SLC16A7: variants seen among roughly 807,000 people sequenced by gnomAD.
The protein encoded by SLC16A7 is solute carrier family 16 member 7.
In SLC16A7, 33 loss-of-function variants were observed where a neutral mutation model predicts 34.9. The ratio of observed to expected loss-of-function variants is 0.94; its 90% confidence interval spans 0.72 to 1.26. SLC16A7 has a LOEUF of 1.26. SLC16A7 is among the 50% of genes most tolerant of loss of function. The pLI is 0.00. For missense variants in SLC16A7, 573 were observed against 578.1 expected (o/e 0.99, Z 0.09); for synonymous variants, 201 against 206.6 (o/e 0.97, Z 0.23).
chr12:59,658,588 G>A (rs1868658715), intron 2 of SLC16A7, among the ~76,000 whole-genome samples: 1 of 151,912 alleles, frequency 6.6e-6, no homozygotes, highest in Admixed American at 6.6e-5. Flanking sequence ...GCCTTTCCAT[G>A]CCTTTCTACC....
chr12:59,754,174 C>G (rs978763789), intron 3 of SLC16A7, among the ~76,000 whole-genome samples: 1 of 152,008 alleles, frequency 6.6e-6, no homozygotes, highest in African/African-American at 2.4e-5. Flanking sequence ...AAAATTGACA[C>G]CCTAACATAT....
chr12:59,639,773 C>G (rs1023390310), intron 1 of SLC16A7, among the ~76,000 whole-genome samples: 1 of 152,284 alleles, frequency 6.6e-6, no homozygotes. Flanking sequence ...CCAATTTTGT[C>G]TCATACTAAA....
Position 59,779,583 on chromosome 12 carries a change from A to T in SLC16A7, c.1341A>T (p.Glu447Asp). 8 of 1,612,570 alleles carry T rather than the reference A, an allele frequency of 5.0e-6. No individual in the cohort carries two copies. Among genetic ancestry groups the T allele is most frequent in the Non-Finnish European group, 4.2e-6 (5 of 1,179,022 alleles). ...KEENARQKTR[E>D]SEPLSKSKHS... ...AAAATGCAAGGCAGAAGACCAGAGA[A>T]TCTGAACCCTTGAGCAAATCTAAAC... The change falls in exon 6 of 6, where the codon GAA (glutamate) becomes GAT (aspartate). Residue 447 changes from glutamate (E) to aspartate (D), a missense_variant. By Grantham distance (45) the Glu-to-Asp change is conservative (BLOSUM62 2). Transcript: ENST00000547379.
At chr12:59,667,838 G>A (rs114796083) in intron 2 of SLC16A7, among the ~76,000 whole-genome samples, 32 of 152,256 alleles carry the variant, frequency 2.1e-4, no homozygotes, top group East Asian at 1.2e-3. Context: ...ATGGTTTCCC[G>A]GACGGGGTCC....
chr12:59,759,280 G>A (rs1880751563), intron 3 of SLC16A7, among the ~76,000 whole-genome samples: 1 of 151,796 alleles, frequency 6.6e-6, no homozygotes, highest in Non-Finnish European at 1.5e-5. Context: ...ACTTTTATCT[G>A]TCTGTTAAAG....
chr12:59,743,911 A>G (rs1192855249), intron 3 of SLC16A7, among the ~76,000 whole-genome samples: 1 of 152,210 alleles, frequency 6.6e-6, no homozygotes, highest in Non-Finnish European at 1.5e-5. Context: ...ATATGAGTTC[A>G]ACTATTTAAC....
At chr12:59,763,008 A>C (rs1335070872) in intron 3 of SLC16A7, among the ~76,000 whole-genome samples, 1 of 152,060 alleles carries the variant, frequency 6.6e-6, no homozygotes, top group Non-Finnish European at 1.5e-5. Flanking sequence ...TTGCAAAAAC[A>C]TTGCACATAC....
chr12:59,771,462 A>AT (rs1340596328), intron 4 of SLC16A7, 100 bp downstream of exon 4: 11 of 862,422 alleles, frequency 1.3e-5, no homozygotes, highest in South Asian at 3.2e-5. Flanking sequence ...CTTTGAATTT[A>AT]TTTTTTTATA....
chr12:59,723,058 C>T (rs1203734092), intron 3 of SLC16A7, among the ~76,000 whole-genome samples: 1 of 151,834 alleles, frequency 6.6e-6, no homozygotes, highest in Non-Finnish European at 1.5e-5. Flanking sequence ...CTTTCAGTCC[C>T]CCACTGGAAT....
intron 3 of SLC16A7, among the ~76,000 whole-genome samples, chr12:59,707,368 C>G (rs1873707128): frequency 6.6e-6 from 1 of 151,944 alleles, no homozygotes; most frequent in Non-Finnish European, 1.5e-5. Context: ...AGCCCTCCAC[C>G]CTCTGGCTGG....
rs1883153205 is a variant in SLC16A7 at position 59,780,322 on chromosome 12, G to A, written c.*643G>A. On this transcript the variant is annotated 3_prime_UTR_variant, in exon 6 of 6. Coordinates refer to ENST00000547379, the MANE Select transcript of SLC16A7 (RefSeq NM_001270623.2). ...AAGATAAGCACATGGGTAAAAATGA[G>A]GGTGATCCTTATTCAAAAATAACAT... 6.6e-6 allele frequency: 1 copy of A among 152,008 alleles called. No individual in the cohort carries two copies. Among genetic ancestry groups the A allele is most frequent in the African/African-American group, 2.4e-5 (1 of 41,410 alleles). 9.4% of individuals were successfully genotyped at this position (152,008 alleles called of 1,614,324 possible). A position where few individuals can be genotyped will look rare whatever the true frequency, so the allele number is the denominator to read the frequency against.
intron 2 of SLC16A7, among the ~76,000 whole-genome samples, chr12:59,682,650 A>G (rs140914014): frequency 3.9e-5 from 6 of 152,288 alleles, no homozygotes; most frequent in African/African-American, 1.4e-4. Flanking sequence ...ATTTGTGTGG[A>G]AGGATAGGTG....
At chr12:59,732,180 G>A (rs1339943875) in intron 3 of SLC16A7, among the ~76,000 whole-genome samples, 2 of 152,062 alleles carry the variant, frequency 1.3e-5, no homozygotes, top group Admixed American at 6.5e-5. Context: ...CACTTTGGGA[G>A]GCCGAGGTGG....
intron 3 of SLC16A7, among the ~76,000 whole-genome samples, chr12:59,725,748 T>C (rs1450266277): frequency 1.3e-5 from 2 of 152,188 alleles, no homozygotes; most frequent in African/African-American, 4.8e-5. Flanking sequence ...TCCATCACTG[T>C]CCTTAGTATT....
rs140276315 is a variant in SLC16A7 at position 59,632,307 on chromosome 12, G to T, written c.-129-22845G>T. ...ATTTGTTACTTAAAGTGGTGGAAAA[G>T]AAAGGGAATTGAAAGTTTCTAACCT... On this transcript the variant is annotated intron_variant, in intron 1 of 5. Transcript: ENST00000547379. Among the ~76,000 whole-genome samples, 174 of 152,052 alleles carry T rather than the reference G, an allele frequency of 1.1e-3. 1 individual carries two copies. The highest frequency in any genetic ancestry group is 3.9e-3 in the African/African-American group (163 of 41,520).
intron 2 of SLC16A7, among the ~76,000 whole-genome samples, chr12:59,686,599 T>C (rs931681279): frequency 6.6e-6 from 1 of 152,048 alleles, no homozygotes; most frequent in African/African-American, 2.4e-5. Context: ...TTAAAAACAT[T>C]AAAAAGATCA....
chr12:59,750,855 A>G (rs1186316705), intron 3 of SLC16A7, among the ~76,000 whole-genome samples: 1 of 152,208 alleles, frequency 6.6e-6, no homozygotes, highest in Non-Finnish European at 1.5e-5. Context: ...TGTGGCGCAT[A>G]TACACCATGG....
intron 2 of SLC16A7, among the ~76,000 whole-genome samples, chr12:59,663,962 T>C (rs753482048): frequency 8.5e-5 from 13 of 152,132 alleles, no homozygotes; most frequent in Non-Finnish European, 1.5e-4. Context: ...ATCTAAATAA[T>C]TGTATCTTTC....
At chr12:59,745,777 G>A (rs2711654) in intron 3 of SLC16A7, among the ~76,000 whole-genome samples, 18,671 of 152,134 alleles carry the variant, frequency 0.12, 1,494 homozygotes, top group African/African-American at 0.22. Context: ...AGGCATATTC[G>A]TCAGAATTAC....
Sources: allele counts gnomAD v4.1 joint callset (sites outside exome capture counted in the v4.1 genomes callset), GRCh38; gene constraint gnomAD v4.1.1; transcripts MANE v1.5; gene names NCBI Gene and HGNC (gene_info 2026-07-23, HGNC 2026-07-21).